Variants in CDKAL1 observed in about 807,000 individuals in gnomAD.
CDKAL1 encodes the protein threonylcarbamoyladenosine tRNA methylthiotransferase.
A neutral mutation model predicts 68.2 loss-of-function variants in CDKAL1; 32 were observed. The observed-to-expected ratio is 0.47, with a 90% CI of 0.35 to 0.63. CDKAL1 has a LOEUF of 0.63. Ranked by LOEUF, CDKAL1 falls within the 30% of genes least tolerant of loss-of-function variation. The pLI is 0.00. For synonymous variants in CDKAL1, 234 were observed against 244.3 expected (o/e 0.96, Z 0.39); for missense variants, 606 against 696.7 (o/e 0.87, Z 1.47).
intron 15 of CDKAL1, among the ~76,000 whole-genome samples, chr6:21,207,985 G>T (rs6902505): frequency 0.33 from 49,466 of 151,598 alleles, 8,227 homozygotes; most frequent in African/African-American, 0.36. Context: ...CCATTCTTAC[G>T]GACAGACATT....
At chr6:20,742,660 T>G (rs1773508446) in intron 6 of CDKAL1, among the ~76,000 whole-genome samples, 1 of 152,038 alleles carries the variant, frequency 6.6e-6, no homozygotes, top group African/African-American at 2.4e-5. Context: ...CATAATACAT[T>G]AATGCTCTCG....
At chr6:21,094,093 T>A (rs1773198300) in intron 12 of CDKAL1, among the ~76,000 whole-genome samples, 1 of 152,128 alleles carries the variant, frequency 6.6e-6, no homozygotes, top group Non-Finnish European at 1.5e-5. Flanking sequence ...CAAGAAAATA[T>A]AATTAGGTAT....
At chr6:20,913,941 T>G (rs879339026) in intron 9 of CDKAL1, among the ~76,000 whole-genome samples, 5 of 152,066 alleles carry the variant, frequency 3.3e-5, no homozygotes, top group Non-Finnish European at 7.4e-5. Context: ...CATTGAGCTA[T>G]GATTGTGCCA....
chr6:20,874,674 T>C (rs908970600), intron 9 of CDKAL1, among the ~76,000 whole-genome samples: 4 of 152,086 alleles, frequency 2.6e-5, no homozygotes, highest in African/African-American at 9.6e-5. Flanking sequence ...GCTGATTTTC[T>C]GTATTTTTAG....
At chr6:21,003,890 T>A (rs1034668821) in intron 11 of CDKAL1, among the ~76,000 whole-genome samples, 1 of 152,252 alleles carries the variant, frequency 6.6e-6, no homozygotes, top group African/African-American at 2.4e-5. Flanking sequence ...TTTGGTGCTT[T>A]CTTTTTCTGT....
intron 12 of CDKAL1, among the ~76,000 whole-genome samples, chr6:21,083,861 A>C (rs1772554113): frequency 6.6e-6 from 1 of 152,174 alleles, no homozygotes; most frequent in Non-Finnish European, 1.5e-5. Flanking sequence ...AGTTTTCCTC[A>C]TGATTAGATT....
chr6:21,041,670 G>A (rs1178878715), intron 11 of CDKAL1, among the ~76,000 whole-genome samples: 1 of 140,138 alleles, frequency 7.1e-6, no homozygotes, highest in Non-Finnish European at 1.5e-5. Context: ...TATAATACTT[G>A]CCTATCGTAT....
At chr6:20,813,190 C>T (rs977859379) in intron 8 of CDKAL1, among the ~76,000 whole-genome samples, 2 of 152,100 alleles carry the variant, frequency 1.3e-5, no homozygotes, top group African/African-American at 2.4e-5. Flanking sequence ...CATGTGATCT[C>T]CCCACTTTGG....
chr6:20,880,933 C>T (rs1038814168), intron 9 of CDKAL1, among the ~76,000 whole-genome samples: 2 of 152,156 alleles, frequency 1.3e-5, no homozygotes, highest in Admixed American at 6.6e-5. Context: ...AAGGGACCAT[C>T]GGCTCTGAAG....
At chr6:21,211,444 A>G (rs1779144419) in intron 15 of CDKAL1, among the ~76,000 whole-genome samples, 1 of 152,222 alleles carries the variant, frequency 6.6e-6, no homozygotes, top group African/African-American at 2.4e-5. Context: ...TTTCCTGCTC[A>G]CACTGAGCAT....
intron 8 of CDKAL1, among the ~76,000 whole-genome samples, chr6:20,809,876 CT>C (rs1203376371): frequency 6.6e-6 from 1 of 152,054 alleles, no homozygotes; most frequent in Non-Finnish European, 1.5e-5. Context: ...GATATTTTTA[CT>C]TTTAAGATCT....
intron 5 of CDKAL1, among the ~76,000 whole-genome samples, chr6:20,738,964 T>C (rs1232970255): frequency 6.6e-6 from 1 of 152,218 alleles, no homozygotes; most frequent in Non-Finnish European, 1.5e-5. Flanking sequence ...TAGTCTTGTG[T>C]CTGGAAGTAA....
At chr6:20,733,794 G>T (rs62397655) in intron 5 of CDKAL1, among the ~76,000 whole-genome samples, 34,593 of 152,096 alleles carry the variant, frequency 0.23, 4,387 homozygotes, top group East Asian at 0.34. Flanking sequence ...CTTCTCATCT[G>T]TGAAGTAAGG....
chr6:20,862,707 A>G (rs952566764), intron 9 of CDKAL1, among the ~76,000 whole-genome samples: 1 of 152,152 alleles, frequency 6.6e-6, no homozygotes, highest in Admixed American at 6.5e-5. Context: ...ATACTCTCAC[A>G]TAGCTATGCC....
At chr6:21,135,543 C>G (rs550242937) in intron 13 of CDKAL1, 1 of 211,090 alleles carries the variant, frequency 4.7e-6, no homozygotes, top group East Asian at 1.8e-4. Flanking sequence ...TAAGTTCCCT[C>G]TAGAGTTTAC....
intron 13 of CDKAL1, 39 bp from the exon 14 acceptor site, chr6:21,197,982 C>T: frequency 1.5e-6 from 2 of 1,332,396 alleles, no homozygotes; most frequent in Non-Finnish European, 2.1e-6. Flanking sequence ...AGGTGTTTAC[C>T]CTTATCTTTC....
intron 5 of CDKAL1, among the ~76,000 whole-genome samples, chr6:20,693,433 T>G (rs570098123): frequency 6.6e-6 from 1 of 152,062 alleles, no homozygotes; most frequent in Non-Finnish European, 1.5e-5. Flanking sequence ...ACCAAACTTA[T>G]AGAACTGTCA....
chr6:20,870,534 G>A (rs1449946879), intron 9 of CDKAL1, among the ~76,000 whole-genome samples: 3 of 152,174 alleles, frequency 2.0e-5, no homozygotes, highest in Non-Finnish European at 4.4e-5. Context: ...AAGCATACCA[G>A]CAGTACTTTC....
In CDKAL1 at chr6:20,841,865, C is replaced by T. The variant is rs141847202; in HGVS notation, c.639-4210C>T. Among the ~76,000 whole-genome samples, 780 of 152,366 alleles carry T rather than the reference C, an allele frequency of 5.1e-3. 3 individuals are homozygous for T. The highest frequency in any genetic ancestry group is 0.018 in the African/African-American group (752 of 41,592). On this transcript the variant is annotated intron_variant, in intron 8 of 15. Coordinates refer to ENST00000274695, the MANE Select transcript of CDKAL1 (RefSeq NM_017774.3). ...TCATTCTTGGTCTCTGGCCATGTAACAACCTGTGCAAAGATTAGTAGGTAT... is the reference window on the plus strand; with the variant it reads ...TCATTCTTGGTCTCTGGCCATGTAATAACCTGTGCAAAGATTAGTAGGTAT...
Sources: allele counts gnomAD v4.1 joint callset (sites outside exome capture counted in the v4.1 genomes callset), GRCh38; gene constraint gnomAD v4.1.1; transcripts MANE v1.5; gene names NCBI Gene and HGNC (gene_info 2026-07-23, HGNC 2026-07-21).